The following KARS1 variants were observed in gnomAD, a reference collection of about 807,000 sequenced individuals.
KARS1 encodes lysine--tRNA ligase.
In KARS1, 50 loss-of-function variants were observed where a neutral mutation model predicts 63.9. The ratio of observed to expected loss-of-function variants is 0.78; its 90% CI spans 0.62 to 0.99. The LOEUF (loss-of-function observed/expected upper bound fraction) is 0.99. KARS1 is among the 50% of genes least tolerant of loss of function. The probability of loss-of-function intolerance (pLI) is 0.00; values close to 1 mark genes in which losing one functional copy is unlikely to be tolerated. For missense variants in KARS1, 816 were observed against 754.5 expected (o/e 1.08, Z -0.95); for synonymous variants, 320 against 264.6 (o/e 1.21, Z -2.03).
At position 75,627,874 on chromosome 16, in the gene KARS1, A is replaced by G. The variant is rs778053495; in HGVS notation, c.*21T>C. The G allele has an allele frequency of 2.6e-5, 35 of 1,362,464 alleles. No homozygotes were observed. The East Asian group carries it at 3.4e-4, about 13-fold the overall frequency. 84.4% of individuals were successfully genotyped at this position (1,362,464 alleles called of 1,614,324 possible). On this transcript the variant is annotated 3_prime_UTR_variant, in exon 14 of 14. Transcript: ENST00000302445. ...AGAAATGCAAAGACGCCTGAGTTAT[A>G]CAACTTGCAATTATTATTTTCTAGA...
intron 10 of KARS1, 44 bp from the exon 11 acceptor site, chr16:75,630,552 G>C (rs754056628): frequency 8.2e-7 from 1 of 1,226,168 alleles, no homozygotes; most frequent in South Asian, 1.2e-5. Context: ...TTTCTGAATA[G>C]TATTTGATCG....
At chr16:75,647,464 C>G (rs1178879966) in intron 1 of KARS1, 114 bp downstream of exon 1, 1 of 974,318 alleles carries the variant, frequency 1.0e-6, no homozygotes, top group Admixed American at 2.0e-5. Flanking sequence ...ATGTGCGTAC[C>G]CACGAGAGCC....
chr16:75,641,746 C>G (rs762297807), intron 1 of KARS1, 23 bp from the exon 2 acceptor site: 2 of 1,612,862 alleles, frequency 1.2e-6, no homozygotes, highest in African/African-American at 1.3e-5. Context: ...TGAAAGCGTT[C>G]AATGTGTTAG....
chr16:75,637,538 G>A (rs2082175129), intron 3 of KARS1, among the ~76,000 whole-genome samples: 1 of 152,092 alleles, frequency 6.6e-6, no homozygotes, highest in South Asian at 2.1e-4. Context: ...GACTTTGGGA[G>A]GCCGAGGCAG....
intron 3 of KARS1, among the ~76,000 whole-genome samples, chr16:75,637,902 A>G (rs1264626505): frequency 8.6e-6 from 1 of 116,492 alleles, no homozygotes; most frequent in Non-Finnish European, 1.7e-5. Context: ...AAAGAGACCA[A>G]AAAAAAAAAA....
In KARS1 at chr16:75,636,520, C is replaced by A. The variant is rs767363060; in HGVS notation, c.416G>T (p.Gly139Val). The A allele has an allele frequency of 6.2e-7, 1 of 1,612,784 alleles. No homozygotes were observed. Among genetic ancestry groups the A allele is most frequent in the East Asian group, 2.2e-5 (1 of 44,878 alleles). The part of the protein sequence containing the change: ...AGRIHAKRAS[G>V]GKLIFYDLRG... ...AAGATCATAGAAGATGAGCTTTCCCCCAGAAGCTCTTTTGGCATGGATCCT... is the reference window on the plus strand; with the variant it reads ...AAGATCATAGAAGATGAGCTTTCCCACAGAAGCTCTTTTGGCATGGATCCT... Residue 139 changes from glycine (G) to valine (V), a missense_variant, in exon 4 of 14, where the codon GGG (glycine) becomes GTG (valine). Gly to Val is a moderately radical substitution (Grantham distance 109, BLOSUM62 -3). Coordinates refer to ENST00000302445, the MANE Select transcript of KARS1 (RefSeq NM_005548.3).
At chr16:75,634,371 G>A (rs2082141745) in intron 6 of KARS1, 79 bp from the exon 7 acceptor site, 1 of 1,454,032 alleles carries the variant, frequency 6.9e-7, no homozygotes, top group Non-Finnish European at 9.6e-7. Context: ...ATGTAATATA[G>A]TCTAAGCCTG....
chr16:75,637,138 T>C (rs967881448), intron 3 of KARS1, among the ~76,000 whole-genome samples: 24 of 152,116 alleles, frequency 1.6e-4, no homozygotes, highest in African/African-American at 5.1e-4. Flanking sequence ...AGCATAGTTT[T>C]TGGATTTCCC....
At chr16:75,635,252 T>G in intron 6 of KARS1, 1 of 293,226 alleles carries the variant, frequency 3.4e-6, no homozygotes, top group Non-Finnish European at 6.7e-6. Context: ...CAGTAAATGG[T>G]GTGGAAGGAT....
In KARS1 at chr16:75,645,224, C is replaced by T. The variant is rs564157160; in HGVS notation, c.62+2354G>A. On this transcript the variant is annotated intron_variant, in intron 1 of 13. Coordinates refer to ENST00000302445, the MANE Select transcript of KARS1 (RefSeq NM_005548.3). Reference sequence around the variant, plus strand: ...TAATCAGAAAAAAATTATTTTAGCTCATGGTAACGAGAGGAATAGACATCA... The same window carrying T: ...TAATCAGAAAAAAATTATTTTAGCTTATGGTAACGAGAGGAATAGACATCA... Among the ~76,000 whole-genome samples the T allele has an allele frequency of 1.3e-5, 2 of 152,252 alleles. 1 individual carries two copies. Among genetic ancestry groups the T allele is most frequent in the Admixed American group, 1.3e-4 (2 of 15,296 alleles).
intron 1 of KARS1, among the ~76,000 whole-genome samples, chr16:75,642,518 C>G (rs980376959): frequency 2.6e-5 from 4 of 152,042 alleles, no homozygotes; most frequent in African/African-American, 9.7e-5. Flanking sequence ...AGATCTAATA[C>G]ATGATAAGGC....
At position 75,641,593 on chromosome 16, in the gene KARS1, C is replaced by A; in HGVS notation, c.193G>T (p.Gly65Cys). 1 of 1,613,992 alleles carries A rather than the reference C, an allele frequency of 6.2e-7. No homozygotes were observed. Among genetic ancestry groups the A allele is most frequent in the Non-Finnish European group, 8.5e-7 (1 of 1,180,026 alleles). ...GGGTCCACGCTCTCTTCCTCAGGAC[C>A]CACACCATTATCAGTGGTGTGGTTG... is the stretch of plus-strand genomic sequence containing the variant. ...ATNHTTDNGV[G>C]PEEESVDPNQ... The change falls in exon 2 of 14, where the codon GGT (glycine) becomes TGT (cysteine). Residue 65 changes from glycine (G) to cysteine (C), a missense_variant. Gly to Cys is a radical substitution (Grantham distance 159). Coordinates refer to ENST00000302445, the MANE Select transcript of KARS1 (RefSeq NM_005548.3).
chr16:75,628,764 G>A, intron 12 of KARS1, 52 bp from the exon 13 acceptor site: 1 of 1,596,530 alleles, frequency 6.3e-7, no homozygotes, highest in Non-Finnish European at 8.6e-7. Flanking sequence ...ATATCTCAGT[G>A]TGTGAGTGAA....
chr16:75,634,316 CAGTCCTT>C (rs1188276529), intron 6 of KARS1, 24 bp from the exon 7 acceptor site: 1 of 1,613,058 alleles, frequency 6.2e-7, no homozygotes, highest in Non-Finnish European at 8.5e-7. Context: ...GGAGAAACAT[CAGTCCTT>C]AGATAACCAG....
chr16:75,630,982 A>T (rs2082105974), intron 10 of KARS1, among the ~76,000 whole-genome samples, 186 bp downstream of exon 10: 1 of 152,206 alleles, frequency 6.6e-6, no homozygotes, highest in East Asian at 1.9e-4. Context: ...GAGATCACAC[A>T]CATAAATTAT....
At chr16:75,646,074 T>A (rs1954943534) in intron 1 of KARS1, among the ~76,000 whole-genome samples, 2 of 152,296 alleles carry the variant, frequency 1.3e-5, no homozygotes, top group African/African-American at 4.8e-5. Context: ...TAAAGTCAAG[T>A]CAATTTTCTC....
At chr16:75,646,598 G>A (rs930651391) in intron 1 of KARS1, among the ~76,000 whole-genome samples, 5 of 151,780 alleles carry the variant, frequency 3.3e-5, no homozygotes, top group African/African-American at 9.7e-5. Context: ...GTCTGGCTCC[G>A]TCTCAGTAAC....
chr16:75,637,651 T>C (rs1201910996), intron 3 of KARS1, among the ~76,000 whole-genome samples: 4 of 151,716 alleles, frequency 2.6e-5, no homozygotes, highest in African/African-American at 7.3e-5. Flanking sequence ...TGGTGGCGCA[T>C]GCCTGTAATC....
Position 75,633,265 on chromosome 16 carries a change from G to C in KARS1, c.915+908C>G, listed in dbSNP as rs987336041. On this transcript the variant is annotated intron_variant, in intron 7 of 13. Coordinates refer to ENST00000302445, the MANE Select transcript of KARS1 (RefSeq NM_005548.3). ...GGTGATCGGACACTCAGCAGGACTG[G>C]CAAAACAGAGTATCTGTGTTTCAGT... Among the ~76,000 whole-genome samples the C allele has an allele frequency of 2.2e-4, 33 of 152,158 alleles. 1 individual carries two copies. Among genetic ancestry groups the C allele is most frequent in the Non-Finnish European group, 4.4e-5 (3 of 68,026 alleles).
Sources: allele counts gnomAD v4.1 joint callset (sites outside exome capture counted in the v4.1 genomes callset), GRCh38; gene constraint gnomAD v4.1.1; transcripts MANE v1.5; gene names NCBI Gene and HGNC (gene_info 2026-07-23, HGNC 2026-07-21).